The following ERICH1 variants were observed in gnomAD, a reference collection of about 807,000 sequenced individuals.
The protein encoded by ERICH1 is glutamate rich 1, also known as glutamate-rich protein 1.
Under a neutral mutation model 39.6 loss-of-function variants are expected in ERICH1, and 56 were observed. That is an observed-to-expected ratio of 1.41 (90% CI 1.14 to 1.77). The LOEUF (loss-of-function observed/expected upper bound fraction) is 1.77. ERICH1 is among the 40% of genes most tolerant of loss of function. ERICH1 has a pLI of 0.00. For synonymous variants in ERICH1, 313 were observed against 223.6 expected (o/e 1.40, Z -3.57); for missense variants, 826 against 575.4 (o/e 1.44, Z -4.45).
intron 3 of ERICH1, among the ~76,000 whole-genome samples, chr8:683,055 T>G (rs1445179221): frequency 6.6e-6 from 1 of 152,194 alleles, no homozygotes; most frequent in African/African-American, 2.4e-5. Context: ...GAAAATATTT[T>G]GTAATAACAC....
intron 3 of ERICH1, among the ~76,000 whole-genome samples, chr8:616,823 G>GGAGAGA (rs74212232): frequency 6.6e-5 from 5 of 76,246 alleles, no homozygotes; most frequent in Non-Finnish European, 9.5e-5. Context: ...AGAGACGGGG[G>GGAGAGA]GAGAGAGAGA....
intron 1 of ERICH1, among the ~76,000 whole-genome samples, chr8:722,868 C>G (rs1817649341): frequency 6.6e-6 from 1 of 152,202 alleles, no homozygotes; most frequent in Admixed American, 6.5e-5. Context: ...GGACCACATG[C>G]TTACAGGAAT....
intron 3 of ERICH1, among the ~76,000 whole-genome samples, chr8:635,438 C>CTG (rs1798350551): frequency 6.6e-6 from 1 of 152,196 alleles, no homozygotes; most frequent in African/African-American, 2.4e-5. Flanking sequence ...CTAAGGCTGG[C>CTG]TGTGAGAGGG....
chr8:630,269 CCACAGGCAGAGGTGACT>C (rs1797918061), intron 3 of ERICH1, among the ~76,000 whole-genome samples: 1 of 114,818 alleles, frequency 8.7e-6, no homozygotes, highest in Non-Finnish European at 1.8e-5. Flanking sequence ...CCGTGACCAC[CCACAGGCAGAGGTGACT>C]CACACCCTCC....
At chr8:730,442 A>C (rs1248194698) in intron 1 of ERICH1, among the ~76,000 whole-genome samples, 1 of 152,184 alleles carries the variant, frequency 6.6e-6, no homozygotes, top group Non-Finnish European at 1.5e-5. Context: ...TCCAAGTAAC[A>C]CGAGATTCAT....
Position 716,015 on chromosome 8 carries a change from G to C in ERICH1, c.23-8C>G. The C allele has an allele frequency of 6.3e-7, 1 of 1,584,388 alleles. No homozygotes were observed. Among genetic ancestry groups the C allele is most frequent in the Non-Finnish European group, 8.5e-7 (1 of 1,170,040 alleles). ...GCACCTTCTCCACAAACACTGTACA[G>C]ACAACCGATTAAAAGAAAAGGAGGA... On this transcript the variant is annotated splice_polypyrimidine_tract_variant and splice_region_variant and intron_variant, in intron 1 of 5. Coordinates refer to ENST00000262109, the MANE Select transcript of ERICH1 (RefSeq NM_207332.3).
At chr8:635,176 C>T (rs980585630) in intron 3 of ERICH1, among the ~76,000 whole-genome samples, 2 of 152,090 alleles carry the variant, frequency 1.3e-5, no homozygotes, top group African/African-American at 4.8e-5. Context: ...ATGGTGACCT[C>T]TGTTCAGGAA....
At chr8:699,658 G>C (rs58344720) in intron 2 of ERICH1, among the ~76,000 whole-genome samples, 108,920 of 151,568 alleles carry the variant, frequency 0.72, 40,169 homozygotes, top group Non-Finnish European at 0.8. Flanking sequence ...AGCACACACA[G>C]GAGCACGTAC....
chr8:652,928 T>C (rs1800157772), intron 3 of ERICH1, among the ~76,000 whole-genome samples: 1 of 152,212 alleles, frequency 6.6e-6, no homozygotes, highest in Non-Finnish European at 1.5e-5. Flanking sequence ...ATGATTATCA[T>C]ATATTTTTAC....
At chr8:672,861 C>G (rs1433928664) in intron 4 of ERICH1, among the ~76,000 whole-genome samples, 1 of 152,242 alleles carries the variant, frequency 6.6e-6, no homozygotes, top group Non-Finnish European at 1.5e-5. Context: ...GCTGTGTTTC[C>G]TTCACCTCTC....
chr8:717,987 A>G (rs960141787), intron 1 of ERICH1, among the ~76,000 whole-genome samples: 3 of 152,236 alleles, frequency 2.0e-5, no homozygotes, highest in African/African-American at 7.2e-5. Context: ...AGCTGATCCC[A>G]AAGAAAATGG....
chr8:731,118 C>A, intron 1 of ERICH1, 22 bp downstream of exon 1: 1 of 1,504,788 alleles, frequency 6.6e-7, no homozygotes. Flanking sequence ...TCTGGGCAGG[C>A]CTCCGCACCG....
chr8:715,311 G>A lies in ERICH1; in HGVS notation c.169+550C>T, dbSNP rs77898010. ...AGGTGGTCTCTTCCCGTGTCTCTCAGCGGGGTCCTCTCACAGTCTCACAGG... is the reference window on the plus strand; with the variant it reads ...AGGTGGTCTCTTCCCGTGTCTCTCAACGGGGTCCTCTCACAGTCTCACAGG... On this transcript the variant is annotated intron_variant, in intron 2 of 5. Coordinates refer to ENST00000262109, the MANE Select transcript of ERICH1 (RefSeq NM_207332.3). Among the ~76,000 whole-genome samples, 370 of 152,380 alleles carry A rather than the reference G, an allele frequency of 2.4e-3. 6 individuals are homozygous for A. The highest frequency in any genetic ancestry group is 8.6e-3 in the African/African-American group (359 of 41,590).
chr8:687,069 C>G (rs921519), intron 3 of ERICH1, among the ~76,000 whole-genome samples: 31,673 of 152,162 alleles, frequency 0.21, 3,553 homozygotes, highest in East Asian at 0.43. Flanking sequence ...AGAGCATGTA[C>G]GGATGTTTAA....
At chr8:626,170 G>A (rs565953560) in intron 3 of ERICH1, 1 of 152,160 alleles carries the variant, frequency 6.6e-6, no homozygotes, top group African/African-American at 2.4e-5. Flanking sequence ...CTGTTTTAAA[G>A]ATGAGCAAAA....
chr8:683,177 G>T (rs940232192), intron 3 of ERICH1, among the ~76,000 whole-genome samples: 1 of 152,256 alleles, frequency 6.6e-6, no homozygotes, highest in African/African-American at 2.4e-5. Flanking sequence ...GACCCCTGGA[G>T]ATTCAGGGAT....
intron 5 of ERICH1, chr8:666,353 T>A (rs1802236193): frequency 6.6e-6 from 1 of 152,236 alleles, no homozygotes; most frequent in African/African-American, 2.4e-5. Flanking sequence ...TTTAACATAA[T>A]AAAATCAGCT....
At chr8:630,948 C>T (rs1445189545) in intron 3 of ERICH1, among the ~76,000 whole-genome samples, 3 of 149,476 alleles carry the variant, frequency 2.0e-5, no homozygotes, top group Non-Finnish European at 4.4e-5. Flanking sequence ...CTGACACACA[C>T]CCTCCTGTGA....
At chr8:729,302 A>AC (rs1186980580) in intron 1 of ERICH1, among the ~76,000 whole-genome samples, 2 of 151,958 alleles carry the variant, frequency 1.3e-5, no homozygotes, top group African/African-American at 4.8e-5. Context: ...ACAGCGCCCA[A>AC]CCCCCACCTG....
Sources: gnomAD v4.1 joint callset for allele counts (sites outside exome capture counted in the v4.1 genomes callset) on GRCh38, gnomAD v4.1.1 for gene constraint, MANE v1.5 for transcripts, NCBI Gene and HGNC (gene_info 2026-07-23, HGNC 2026-07-21) for gene names.